NDUFA13: variants seen among roughly 807,000 people sequenced by gnomAD.
NDUFA13 encodes NADH dehydrogenase [ubiquinone] 1 alpha subcomplex subunit 13.
A neutral mutation model predicts 17.0 loss-of-function variants in NDUFA13; 16 were observed. The ratio of observed to expected loss-of-function variants is 0.94; its 90% CI spans 0.64 to 1.43. NDUFA13 has a LOEUF of 1.43. Ranked by LOEUF, NDUFA13 falls within the 40% of genes most tolerant of loss-of-function variation. NDUFA13 has a pLI of 0.00. For missense variants in NDUFA13, 228 were observed against 206.7 expected, an observed-to-expected ratio of 1.10 and a Z score of -0.63; for synonymous variants, 87 against 78.4, an observed-to-expected ratio of 1.11 and a Z score of -0.58.
At chr19:19,524,541 C>T (rs1206582665) in intron 1 of NDUFA13, among the ~76,000 whole-genome samples, 3 of 152,134 alleles carry the variant, frequency 2.0e-5, no homozygotes, top group African/African-American at 4.8e-5. Context: ...GAGATATGGC[C>T]GGGCACGGTG....
chr19:19,518,238 T>G (rs1428659707), intron 1 of NDUFA13, among the ~76,000 whole-genome samples: 1 of 152,170 alleles, frequency 6.6e-6, no homozygotes, highest in East Asian at 1.9e-4. Flanking sequence ...TTTCTTTCTT[T>G]CTTTTTTATT....
intron 2 of NDUFA13, chr19:19,526,545 C>A: frequency 2.1e-6 from 1 of 468,930 alleles, no homozygotes; most frequent in Non-Finnish European, 4.0e-6. Context: ...GAGGGAAACC[C>A]TGTCCTCGCC....
At chr19:19,518,484 C>G (rs1486487172) in intron 1 of NDUFA13, among the ~76,000 whole-genome samples, 1 of 151,982 alleles carries the variant, frequency 6.6e-6, no homozygotes, top group East Asian at 1.9e-4. Flanking sequence ...ATCCACCCAC[C>G]TCGGCCTCCC....
At chr19:19,522,382 C>T (rs994446603) in intron 1 of NDUFA13, among the ~76,000 whole-genome samples, 1 of 150,778 alleles carries the variant, frequency 6.6e-6, no homozygotes, top group Non-Finnish European at 1.5e-5. Context: ...CTTCTGGTGT[C>T]ATATCTAAGA....
In NDUFA13 at chr19:19,526,167, C is replaced by T. The variant is rs758105892; in HGVS notation, c.95-15C>T. 3.8e-5 allele frequency: 62 copies of T among 1,613,114 alleles called. No individual in the cohort carries two copies. Among genetic ancestry groups the T allele is most frequent in the East Asian group, 2.9e-4 (13 of 44,852 alleles). On this transcript the variant is annotated splice_polypyrimidine_tract_variant and intron_variant, in intron 1 of 4. Transcript: ENST00000507754. ...GGGGGCGGGCTGGCCCGCTGAGCAG[C>T]GCCTCTCTTCACAGGCTACAGCATG...
At position 19,528,035 on chromosome 19, in the gene NDUFA13, G is replaced by A. The variant is rs781077518; in HGVS notation, c.344G>A (p.Arg115His). ...KVGESVFHTT[R>H]WVPPLIGELY... Reference sequence around the variant, plus strand: ...GGGGAGTCTGTGTTCCACACAACCCGCTGGGTGCCCCCCTTGATCGGGGAG... The same window carrying A: ...GGGGAGTCTGTGTTCCACACAACCCACTGGGTGCCCCCCTTGATCGGGGAG... The change falls in exon 5 of 5, where the codon CGC becomes CAC. Residue 115 changes from arginine (R) to histidine (H), a missense_variant. By Grantham distance (29) the Arg-to-His change is conservative. Coordinates refer to ENST00000507754, the MANE Select transcript of NDUFA13 (RefSeq NM_015965.7). The A allele has an allele frequency of 3.1e-6, 5 of 1,612,566 alleles. No homozygotes were observed. Among genetic ancestry groups the A allele is most frequent in the East Asian group, 4.5e-5 (2 of 44,874 alleles).
Position 19,527,787 on chromosome 19 carries a change from A to C in NDUFA13, c.315+17A>C, listed in dbSNP as rs1600351737. ...GACTGGAAGGTGGGTCCCGGCTGGG[A>C]GGGCAGAGGTGCCAGCCACGGCAGA... is the stretch of plus-strand genomic sequence containing the variant. On this transcript the variant is annotated intron_variant, in intron 4 of 4. Coordinates refer to ENST00000507754, the MANE Select transcript of NDUFA13 (RefSeq NM_015965.7). 1 of 1,551,578 alleles carries C rather than the reference A, an allele frequency of 6.4e-7. No individual in the cohort carries two copies. Among genetic ancestry groups the C allele is most frequent in the Non-Finnish European group, 8.7e-7 (1 of 1,146,946 alleles).
chr19:19,526,762 A>C, intron 2 of NDUFA13: 1 of 279,746 alleles, frequency 3.6e-6, no homozygotes, highest in Non-Finnish European at 7.0e-6. Context: ...CAGGCTGGGC[A>C]CTCCTTCCCC....
chr19:19,523,191 G>C (rs113611839), intron 1 of NDUFA13, among the ~76,000 whole-genome samples: 4,201 of 152,362 alleles, frequency 0.028, 89 homozygotes, highest in South Asian at 0.059. Context: ...GATGGGGATT[G>C]CGTTTCAAAT....
At chr19:19,516,859 C>T (rs1348607907) in intron 1 of NDUFA13, among the ~76,000 whole-genome samples, 1 of 152,130 alleles carries the variant, frequency 6.6e-6, no homozygotes, top group African/African-American at 2.4e-5. Context: ...GCCATCTCGG[C>T]TCACCGCAAC....
At chr19:19,522,475 T>G (rs2061082132) in intron 1 of NDUFA13, among the ~76,000 whole-genome samples, 1 of 134,772 alleles carries the variant, frequency 7.4e-6, no homozygotes, top group Non-Finnish European at 1.6e-5. Flanking sequence ...AGGTCTTTGA[T>G]CCTTTTTTTT....
Position 19,528,093 on chromosome 19 carries a change from C to G in NDUFA13, c.402C>G (p.Leu134=). The change falls in exon 5 of 5, where the codon CTC becomes CTG. Residue 134 remains leucine, a synonymous_variant. Coordinates refer to ENST00000507754, the MANE Select transcript of NDUFA13 (RefSeq NM_015965.7). The part of the protein sequence containing the change: ...LYGLRTTEEA[L]HASHGFMWYT ...GGCTGCGCACCACAGAGGAGGCTCT[C>G]CATGCCAGCCACGGCTTCATGTGGT... 1 of 1,611,512 alleles carries G rather than the reference C, an allele frequency of 6.2e-7. No individual in the cohort carries two copies. Among genetic ancestry groups the G allele is most frequent in the Non-Finnish European group, 8.5e-7 (1 of 1,179,860 alleles).
Position 19,527,727 on chromosome 19 carries a change from T to C in NDUFA13, c.272T>C (p.Leu91Pro). Residue 91 changes from leucine to proline, a missense_variant, in exon 4 of 5, where the codon CTG becomes CCG. Transcript: ENST00000507754. ...ACCTTGCAGATGCTTCGGGAGAACC[T>C]GGAGGAGGAGGCCATCATCATGAAG... ...RRTLQMLREN[L>P]EEEAIIMKDV... 1 of 1,552,510 alleles carries C rather than the reference T, an allele frequency of 6.4e-7. No individual in the cohort carries two copies. Among genetic ancestry groups the C allele is most frequent in the South Asian group, 1.2e-5 (1 of 84,098 alleles).
chr19:19,523,388 A>G (rs550521210), intron 1 of NDUFA13, among the ~76,000 whole-genome samples: 4 of 152,192 alleles, frequency 2.6e-5, no homozygotes, highest in Admixed American at 2.0e-4. Flanking sequence ...CCAGGAGTTC[A>G]AGACCAGCCT....
intron 1 of NDUFA13, among the ~76,000 whole-genome samples, chr19:19,516,606 C>G (rs2061050329): frequency 6.6e-6 from 1 of 152,220 alleles, no homozygotes; most frequent in African/African-American, 2.4e-5. Flanking sequence ...TGCTCTGGCC[C>G]TCAGCCACCC....
intron 1 of NDUFA13, among the ~76,000 whole-genome samples, chr19:19,517,788 A>G (rs2061056971): frequency 1.3e-5 from 2 of 151,958 alleles, no homozygotes; most frequent in South Asian, 4.2e-4. Flanking sequence ...CAGCCTCCCA[A>G]AGTGCTGGAA....
In NDUFA13 at chr19:19,520,136, G is replaced by T. The variant is rs1303755991; in HGVS notation, c.94+3804G>T. 2.0e-5 allele frequency among the ~76,000 whole-genome samples: 3 copies of T among 151,916 alleles called. No homozygotes were observed. In the South Asian group the frequency reaches 6.2e-4, roughly 32 times the overall value. ...TGGGATTACAGGCATGAGCCACTGC[G>T]CCCGGCTGGCTCAGGCCCCTTTTAA... On this transcript the variant is annotated intron_variant, in intron 1 of 4. Coordinates refer to ENST00000507754, the MANE Select transcript of NDUFA13 (RefSeq NM_015965.7).
chr19:19,524,414 C>T (rs897074305), intron 1 of NDUFA13, among the ~76,000 whole-genome samples: 8 of 152,204 alleles, frequency 5.3e-5, no homozygotes, highest in East Asian at 1.9e-4. Flanking sequence ...GATGGGCCTG[C>T]GTATGAGTGC....
intron 1 of NDUFA13, among the ~76,000 whole-genome samples, chr19:19,516,991 T>G (rs577201709): frequency 6.6e-6 from 1 of 152,256 alleles, no homozygotes; most frequent in Admixed American, 6.5e-5. Flanking sequence ...TTCTCCATGT[T>G]GGTCAGGGTG....
Sources: gnomAD v4.1 joint callset for allele counts (sites outside exome capture counted in the v4.1 genomes callset) on GRCh38, gnomAD v4.1.1 for gene constraint, MANE v1.5 for transcripts, NCBI Gene and HGNC (gene_info 2026-07-23, HGNC 2026-07-21) for gene names.